Variants in JARID2 observed in about 807,000 individuals in gnomAD.
JARID2 encodes the protein protein Jumonji.
In JARID2, 21 loss-of-function variants were observed where a neutral mutation model predicts 125.6. The observed-to-expected ratio is 0.17, with a 90% CI of 0.12 to 0.24. JARID2 has a LOEUF of 0.24. JARID2 is among the 10% of genes least tolerant of loss of function. The pLI is 1.00. For synonymous variants in JARID2, 736 were observed against 661.6 expected, an observed-to-expected ratio of 1.11 and a Z score of -1.73; for missense variants, 1,303 against 1,639.6, an observed-to-expected ratio of 0.79 and a Z score of 3.55.
intron 1 of JARID2, among the ~76,000 whole-genome samples, chr6:15,284,572 G>A (rs1007614691): frequency 2.0e-5 from 3 of 150,180 alleles, no homozygotes; most frequent in South Asian, 2.1e-4. Context: ...GTGTAATGGC[G>A]CGATTCCGGG....
chr6:15,512,180 G>C (rs750305411), intron 13 of JARID2, 28 bp from the exon 14 acceptor site: 1 of 1,604,836 alleles, frequency 6.2e-7, no homozygotes, highest in South Asian at 1.1e-5. Flanking sequence ...ACAGGGAGGG[G>C]TGCCTCAGCC....
intron 1 of JARID2, among the ~76,000 whole-genome samples, chr6:15,250,446 C>T (rs1023201242): frequency 8.6e-5 from 13 of 152,018 alleles, no homozygotes; most frequent in African/African-American, 2.9e-4. Flanking sequence ...GGGATGTTTA[C>T]GTGGCTTTTC....
At chr6:15,297,674 A>T (rs1260278932) in intron 1 of JARID2, among the ~76,000 whole-genome samples, 14 of 151,826 alleles carry the variant, frequency 9.2e-5, no homozygotes, top group Admixed American at 9.2e-4. Context: ...TTTGGCCCCT[A>T]CTCAGTGGGG....
intron 15 of JARID2, 27 bp downstream of exon 15, chr6:15,513,072 G>A (rs1349012106): frequency 6.2e-7 from 1 of 1,613,626 alleles, no homozygotes; most frequent in African/African-American, 1.3e-5. Context: ...GCCCACGCCA[G>A]AGAGCTGGAC....
At chr6:15,396,845 TTTAATTGTAGCC>T (rs1299409787) in intron 2 of JARID2, among the ~76,000 whole-genome samples, 5 of 152,336 alleles carry the variant, frequency 3.3e-5, no homozygotes, top group Admixed American at 2.0e-4. Flanking sequence ...GAACAACTAC[TTTAATTGTAGCC>T]TTAACAACCC....
At chr6:15,348,170 C>T (rs1221284372) in intron 1 of JARID2, among the ~76,000 whole-genome samples, 2 of 151,696 alleles carry the variant, frequency 1.3e-5, no homozygotes, top group Non-Finnish European at 2.9e-5. Context: ...CGGCTCACTG[C>T]AATGTCCGCC....
At chr6:15,315,587 G>T (rs1259298907) in intron 1 of JARID2, among the ~76,000 whole-genome samples, 1 of 152,140 alleles carries the variant, frequency 6.6e-6, no homozygotes, top group Non-Finnish European at 1.5e-5. Flanking sequence ...TGGACTACCT[G>T]AATAATTGAG....
intron 3 of JARID2, among the ~76,000 whole-genome samples, chr6:15,420,286 C>CT (rs1420895544): frequency 7.9e-5 from 12 of 151,912 alleles, no homozygotes; most frequent in African/African-American, 2.9e-4. Flanking sequence ...ATCTGTAATC[C>CT]CAGCTACTCA....
At chr6:15,379,171 T>C (rs1399817808) in intron 2 of JARID2, among the ~76,000 whole-genome samples, 1 of 152,064 alleles carries the variant, frequency 6.6e-6, no homozygotes. Flanking sequence ...GGAATGAATT[T>C]TTTTTTTTTT....
rs149866795 is a variant in JARID2, at chr6:15,488,643, G to A, written c.906+1101G>A. 1.9e-3 allele frequency among the ~76,000 whole-genome samples: 283 copies of A among 152,228 alleles called. 3 individuals carry two copies. The Middle Eastern group carries it at 0.024, about 13-fold the overall frequency. On this transcript the variant is annotated intron_variant, in intron 6 of 17. Transcript: ENST00000341776. Reference sequence around the variant, plus strand: ...GGTGGCCTTTCTCATTCTTGGTGACGTTGTGGATATTTCTCTCTGAACGTG... The same window carrying A: ...GGTGGCCTTTCTCATTCTTGGTGACATTGTGGATATTTCTCTCTGAACGTG...
At chr6:15,306,098 G>A (rs776968523) in intron 1 of JARID2, among the ~76,000 whole-genome samples, 1 of 152,124 alleles carries the variant, frequency 6.6e-6, no homozygotes, top group Non-Finnish European at 1.5e-5. Flanking sequence ...GAGGCTTACA[G>A]TTTTCCCGGG....
rs557898262 is a variant in JARID2 at position 15,478,131 on chromosome 6, G to A, written c.671-9176G>A. Among the ~76,000 whole-genome samples, 5 of 152,328 alleles carry A rather than the reference G, an allele frequency of 3.3e-5. No individual in the cohort carries two copies. In the South Asian group the frequency reaches 8.3e-4, roughly 25 times the overall value. ...ACACACTTCGGGATAGTTGGCCCAT[G>A]CCCCATGAGTTTGGTGTTGTTACCT... is the stretch of plus-strand genomic sequence containing the variant. On this transcript the variant is annotated intron_variant, in intron 5 of 17. Transcript: ENST00000341776.
chr6:15,463,763 G>A (rs890780422), intron 4 of JARID2, among the ~76,000 whole-genome samples: 4 of 152,186 alleles, frequency 2.6e-5, no homozygotes, highest in African/African-American at 9.6e-5. Flanking sequence ...TGCTAGATAC[G>A]AAGTTTCTAC....
intron 1 of JARID2, among the ~76,000 whole-genome samples, chr6:15,260,643 A>G (rs1195294521): frequency 1.3e-5 from 2 of 152,218 alleles, no homozygotes; most frequent in African/African-American, 4.8e-5. Flanking sequence ...TTCATGTTCA[A>G]TGGAGTTCTT....
At chr6:15,337,831 C>T (rs768535042) in intron 1 of JARID2, among the ~76,000 whole-genome samples, 5 of 152,148 alleles carry the variant, frequency 3.3e-5, no homozygotes, top group Non-Finnish European at 7.4e-5. Flanking sequence ...ACATTTGAGA[C>T]ACTCTACACA....
chr6:15,393,944 AG>A (rs1223791400), intron 2 of JARID2, among the ~76,000 whole-genome samples: 1 of 152,150 alleles, frequency 6.6e-6, no homozygotes, highest in African/African-American at 2.4e-5. Flanking sequence ...TAATTAATAA[AG>A]GCCCAAGTAT....
chr6:15,385,914 G>A (rs1561829137), intron 2 of JARID2, among the ~76,000 whole-genome samples: 1 of 152,146 alleles, frequency 6.6e-6, no homozygotes, highest in Non-Finnish European at 1.5e-5. Flanking sequence ...ATAATTGTGT[G>A]ATATGTCTCA....
In JARID2 at chr6:15,500,923, C is replaced by T. The variant is rs1399572576; in HGVS notation, c.1962C>T (p.Asp654=). 6 of 1,608,648 alleles carry T rather than the reference C, an allele frequency of 3.7e-6. No individual in the cohort carries two copies. The highest frequency in any genetic ancestry group is 1.1e-5 in the South Asian group (1 of 90,420). Residue 654 remains aspartate, a synonymous_variant, in exon 8 of 18, where the codon GAC becomes GAT. Coordinates refer to ENST00000341776, the MANE Select transcript of JARID2 (RefSeq NM_004973.4). ...CTGTCCCAGGGGGCTGTGAGCTCGA[C>T]CTGGCCTGCTTTTTCCGGCTGATTA... ...ELPLIGGCEL[D]LACFFRLINE...
chr6:15,246,138 T>G lies in JARID2; in HGVS notation c.-402T>G, dbSNP rs1351749521. Among the ~76,000 whole-genome samples the G allele has an allele frequency of 6.6e-6, 1 of 152,116 alleles. No individual in the cohort carries two copies. Among genetic ancestry groups the G allele is most frequent in the East Asian group, 1.9e-4 (1 of 5,194 alleles). On this transcript the variant is annotated 5_prime_UTR_variant, in exon 1 of 18. Coordinates refer to ENST00000341776, the MANE Select transcript of JARID2 (RefSeq NM_004973.4). ...ACTTCCAACATTTTTTATTTATCTT[T>G]CCCTTTTCTTTTCCAAGATGTAACT...
Sources: gnomAD v4.1 joint callset for allele counts (sites outside exome capture counted in the v4.1 genomes callset) on GRCh38, gnomAD v4.1.1 for gene constraint, MANE v1.5 for transcripts, NCBI Gene and HGNC (gene_info 2026-07-23, HGNC 2026-07-21) for gene names.